Variants in RAPH1 observed in about 807,000 individuals in gnomAD.
RAPH1 encodes the protein ras-associated and pleckstrin homology domains-containing protein 1.
In RAPH1, 18 loss-of-function variants were observed where a neutral mutation model predicts 88.1. The observed-to-expected ratio is 0.20, with a 90% CI of 0.14 to 0.30. RAPH1 has a LOEUF of 0.30. Among genes scored for constraint, RAPH1 ranks in the 10% least tolerant of loss-of-function variants. The probability of loss-of-function intolerance (pLI) is 1.00; values close to 1 mark genes in which losing one functional copy is unlikely to be tolerated. For synonymous variants in RAPH1, 587 were observed against 559.0 expected (o/e 1.05, Z -0.71); for missense variants, 1,448 against 1,543.2 (o/e 0.94, Z 1.03).
intron 4 of RAPH1, among the ~76,000 whole-genome samples, chr2:203,466,246 C>T (rs990155891): frequency 3.3e-5 from 5 of 152,152 alleles, no homozygotes; most frequent in Admixed American, 6.5e-5. Flanking sequence ...AGTATCATCC[C>T]TGGAACAAAA....
intron 1 of RAPH1, among the ~76,000 whole-genome samples, chr2:203,503,815 T>C (rs1244021823): frequency 1.3e-5 from 2 of 152,072 alleles, no homozygotes; most frequent in Non-Finnish European, 2.9e-5. Context: ...AGGTATTGGG[T>C]AAATACAGCC....
chr2:203,505,397 A>G (rs906903650), intron 1 of RAPH1, among the ~76,000 whole-genome samples: 2 of 152,036 alleles, frequency 1.3e-5, no homozygotes, highest in African/African-American at 4.8e-5. Flanking sequence ...CTTATTCACT[A>G]TCACAAGACT....
At chr2:203,457,633 G>GA (rs1391024195) in intron 7 of RAPH1, 38 bp from the exon 8 acceptor site, 66 of 1,437,504 alleles carry the variant, frequency 4.6e-5, no homozygotes, top group Non-Finnish European at 6.0e-5. Context: ...GGGTGGGAGA[G>GA]AAAAAAAGAA....
Position 203,481,845 on chromosome 2 carries a change from G to A in RAPH1, c.732+7739C>T, listed in dbSNP as rs192882778. ...TCGAACTTCTGACTTCAAACGATCCGCCCACCTCGGCCTCCCAAAGTATTA... is the reference window on the plus strand; with the variant it reads ...TCGAACTTCTGACTTCAAACGATCCACCCACCTCGGCCTCCCAAAGTATTA... On this transcript the variant is annotated intron_variant, in intron 4 of 13. Coordinates refer to ENST00000319170, the MANE Select transcript of RAPH1 (RefSeq NM_213589.3). Among the ~76,000 whole-genome samples the A allele has an allele frequency of 1.1e-3, 167 of 148,902 alleles. 1 individual carries two copies. In the Middle Eastern group the frequency reaches 0.018, roughly 16 times the overall value.
intron 1 of RAPH1, among the ~76,000 whole-genome samples, chr2:203,501,657 G>GT (rs1559490518): frequency 2.0e-5 from 3 of 151,372 alleles, no homozygotes; most frequent in African/African-American, 7.3e-5. Flanking sequence ...AAGTAGATGA[G>GT]TTAAAAAAAA....
At chr2:203,465,165 A>C (rs2098527509) in intron 4 of RAPH1, among the ~76,000 whole-genome samples, 1 of 152,246 alleles carries the variant, frequency 6.6e-6, no homozygotes, top group South Asian at 2.1e-4. Flanking sequence ...AATGAGTTGA[A>C]AACTGATGCC....
chr2:203,505,314 A>G (rs1688935953), intron 1 of RAPH1, among the ~76,000 whole-genome samples: 1 of 152,194 alleles, frequency 6.6e-6, no homozygotes, highest in Non-Finnish European at 1.5e-5. Context: ...CACTTCTTAC[A>G]TGGCGGTGGC....
At chr2:203,506,795 T>TATAG in intron 1 of RAPH1, among the ~76,000 whole-genome samples, 1 of 115,704 alleles carries the variant, frequency 8.6e-6, no homozygotes, top group African/African-American at 3.8e-5. Flanking sequence ...TATATATATC[T>TATAG]ATATATATAT....
At chr2:203,455,647 T>G in intron 8 of RAPH1, 67 bp from the exon 9 acceptor site, 1 of 1,437,006 alleles carries the variant, frequency 7.0e-7, no homozygotes, top group Non-Finnish European at 9.6e-7. Flanking sequence ...TTGTGTTTAC[T>G]CCTGTGAAAT....
At chr2:203,480,840 A>T (rs1408451451) in intron 4 of RAPH1, among the ~76,000 whole-genome samples, 1 of 152,210 alleles carries the variant, frequency 6.6e-6, no homozygotes. Context: ...CCCTGGTGCT[A>T]GAGTGCCTGG....
At chr2:203,480,993 C>T (rs545275933) in intron 4 of RAPH1, among the ~76,000 whole-genome samples, 4 of 152,244 alleles carry the variant, frequency 2.6e-5, no homozygotes, top group South Asian at 2.1e-4. Context: ...AATATTACTA[C>T]GAAGAGTGGG....
rs1227147113 is a variant in RAPH1 at position 203,528,310 on chromosome 2, G to T, written c.-1+6801C>A. On this transcript the variant is annotated intron_variant, in intron 1 of 13. Coordinates refer to ENST00000319170, the MANE Select transcript of RAPH1 (RefSeq NM_213589.3). ...CTCATATCTACACACTCTAAGAACA[G>T]AGAAGCCATTTCTAACTTTTTAAAT... Among the ~76,000 whole-genome samples, 8 of 151,868 alleles carry T rather than the reference G, an allele frequency of 5.3e-5. No homozygotes were observed. In the South Asian group the frequency reaches 1.7e-3, roughly 32 times the overall value.
intron 13 of RAPH1, chr2:203,442,092 A>G (rs2098504781): frequency 6.3e-7 from 1 of 1,593,876 alleles, no homozygotes; most frequent in East Asian, 2.3e-5. Flanking sequence ...TGGAAAATAC[A>G]TAAAGAAATG....
intron 1 of RAPH1, among the ~76,000 whole-genome samples, chr2:203,496,689 A>C (rs1450812043): frequency 6.6e-6 from 1 of 152,214 alleles, no homozygotes; most frequent in Non-Finnish European, 1.5e-5. Context: ...TCTTAATATC[A>C]TAGTTACTGA....
rs950046234 is a variant in RAPH1 at position 203,464,665 on chromosome 2, C to T, written c.733-2740G>A. On this transcript the variant is annotated intron_variant, in intron 4 of 13. Transcript: ENST00000319170. ...TTTACAAGATGCCCTCAAAGCTGAA[C>T]ATATTTCTGAGAAAAAAGGAATATT... Among the ~76,000 whole-genome samples, 4 of 151,934 alleles carry T rather than the reference C, an allele frequency of 2.6e-5. No homozygotes were observed. The South Asian group carries it at 8.3e-4, about 32-fold the overall frequency.
At chr2:203,483,895 C>G (rs1166515094) in intron 4 of RAPH1, among the ~76,000 whole-genome samples, 1 of 152,172 alleles carries the variant, frequency 6.6e-6, no homozygotes, top group African/African-American at 2.4e-5. Flanking sequence ...GTACCCAGGC[C>G]TTCAGCCTAG....
intron 1 of RAPH1, among the ~76,000 whole-genome samples, chr2:203,510,509 G>A (rs776454954): frequency 2.3e-4 from 35 of 152,220 alleles, no homozygotes; most frequent in Non-Finnish European, 4.7e-4. Context: ...GTATTCTCCA[G>A]GGTGGCATCC....
At chr2:203,445,636 A>G (rs2098508808) in intron 12 of RAPH1, 1 of 152,426 alleles carries the variant, frequency 6.6e-6, no homozygotes, top group African/African-American at 2.4e-5. Context: ...GTGAGCATAC[A>G]GTGTCTCTTT....
intron 12 of RAPH1, chr2:203,446,567 T>A (rs922020535): frequency 6.6e-5 from 10 of 152,218 alleles, no homozygotes; most frequent in African/African-American, 2.2e-4. Context: ...AGGACAGTTC[T>A]CTCCTCTTCC....
Sources: gnomAD v4.1 joint callset for allele counts (sites outside exome capture counted in the v4.1 genomes callset) on GRCh38, gnomAD v4.1.1 for gene constraint, MANE v1.5 for transcripts, NCBI Gene and HGNC (gene_info 2026-07-23, HGNC 2026-07-21) for gene names.